The following PALD1 variants were observed in gnomAD, a reference collection of about 807,000 sequenced individuals.
PALD1 encodes paladin.
In PALD1, 57 loss-of-function variants were observed where a neutral mutation model predicts 96.0. The ratio of observed to expected loss-of-function variants is 0.59; its 90% CI spans 0.48 to 0.74. PALD1 has a LOEUF of 0.74. Among genes scored for constraint, PALD1 ranks in the 30% least tolerant of loss-of-function variants. PALD1 has a pLI of 0.00. For missense variants in PALD1, 1,063 were observed against 1,143.7 expected (o/e 0.93, Z 1.02); for synonymous variants, 464 against 473.6 (o/e 0.98, Z 0.26).
At chr10:70,491,491 A>G (rs908861219) in intron 1 of PALD1, among the ~76,000 whole-genome samples, 2 of 152,130 alleles carry the variant, frequency 1.3e-5, no homozygotes, top group African/African-American at 4.8e-5. Context: ...TTCATGGAGA[A>G]GGAACTGGAT....
intron 3 of PALD1, 129 bp downstream of exon 3, chr10:70,529,460 A>G: frequency 3.2e-6 from 2 of 625,492 alleles, no homozygotes. Context: ...CAGAACGGGC[A>G]GGGCCCTAGG....
chr10:70,547,228 G>A, intron 17 of PALD1, 78 bp from the exon 18 acceptor site: 1 of 1,375,322 alleles, frequency 7.3e-7, no homozygotes, highest in Admixed American at 1.7e-5. Context: ...TGGCCTTTTG[G>A]TGAGGGTGCA....
intron 11 of PALD1, 151 bp from the exon 12 acceptor site, chr10:70,538,129 A>C: frequency 2.4e-6 from 2 of 843,006 alleles, no homozygotes; most frequent in Non-Finnish European, 1.8e-6. Flanking sequence ...CCAGGACACC[A>C]GACGTCCAGG....
At chr10:70,519,651 C>T (rs753256260) in intron 1 of PALD1, among the ~76,000 whole-genome samples, 24 of 151,562 alleles carry the variant, frequency 1.6e-4, no homozygotes, top group African/African-American at 4.1e-4. Flanking sequence ...CTCAACTCAC[C>T]GCAACTTCTG....
chr10:70,508,995 G>A (rs746099505), intron 1 of PALD1, among the ~76,000 whole-genome samples: 21 of 152,164 alleles, frequency 1.4e-4, no homozygotes, highest in Non-Finnish European at 2.5e-4. Context: ...AGCTTCCTCT[G>A]TATTTGTTCT....
intron 1 of PALD1, among the ~76,000 whole-genome samples, chr10:70,513,502 T>G (rs1408048781): frequency 6.6e-6 from 1 of 151,732 alleles, no homozygotes; most frequent in Non-Finnish European, 1.5e-5. Context: ...ACAGTGAGAA[T>G]CCATCTCAAA....
intron 1 of PALD1, among the ~76,000 whole-genome samples, chr10:70,497,797 G>T (rs1417662961): frequency 2.0e-5 from 3 of 152,072 alleles, no homozygotes; most frequent in Non-Finnish European, 4.4e-5. Context: ...GGATGGTCTT[G>T]ATCTCCTGAC....
At chr10:70,527,114 TG>T (rs1846884361) in intron 2 of PALD1, among the ~76,000 whole-genome samples, 1 of 152,206 alleles carries the variant, frequency 6.6e-6, no homozygotes, top group Non-Finnish European at 1.5e-5. Flanking sequence ...AAGGTGGGTT[TG>T]GGGCCTGAAG....
chr10:70,557,820 G>A lies in PALD1; in HGVS notation c.2263-6544G>A, dbSNP rs143531971. 3.3e-3 allele frequency among the ~76,000 whole-genome samples: 497 copies of A among 152,202 alleles called. 6 individuals are homozygous for A. The highest frequency in any genetic ancestry group is 0.011 in the African/African-American group (474 of 41,528). On this transcript the variant is annotated intron_variant, in intron 18 of 19. Transcript: ENST00000263563. ...AGGTTTCTTTCTGTTGAGTGGGTGA[G>A]CGAGGGGATACTAAGGAGTCTTCAG...
intron 1 of PALD1, among the ~76,000 whole-genome samples, chr10:70,511,319 CT>C (rs1294047334): frequency 2.0e-5 from 3 of 152,280 alleles, no homozygotes; most frequent in African/African-American, 7.2e-5. Flanking sequence ...CTATAGTTTC[CT>C]TGGGGAACTT....
At chr10:70,523,872 GAGGTGGCTCTAGGGT>G (rs1846795405) in intron 1 of PALD1, among the ~76,000 whole-genome samples, 1 of 152,154 alleles carries the variant, frequency 6.6e-6, no homozygotes, top group Non-Finnish European at 1.5e-5. Context: ...CCCTGAATGG[GAGGTGGCTCTAGGGT>G]AGGAGCCTGA....
chr10:70,490,190 T>G (rs1846076841), intron 1 of PALD1, among the ~76,000 whole-genome samples: 1 of 152,010 alleles, frequency 6.6e-6, no homozygotes, highest in South Asian at 2.1e-4. Context: ...CCCATAATGC[T>G]GGGATTACAG....
intron 1 of PALD1, among the ~76,000 whole-genome samples, chr10:70,509,978 G>A (rs1390496356): frequency 3.9e-5 from 6 of 152,194 alleles, no homozygotes; most frequent in Admixed American, 1.3e-4. Flanking sequence ...GGGCTGTGCC[G>A]AACTCTTGGA....
intron 1 of PALD1, among the ~76,000 whole-genome samples, chr10:70,486,762 AAAAACAAAAC>A (rs548242645): frequency 9.3e-4 from 142 of 152,240 alleles, no homozygotes; most frequent in Non-Finnish European, 1.1e-3. Flanking sequence ...TTCTGTCTCA[AAAAACAAAAC>A]AAAACAAAAC....
At chr10:70,479,946 C>T (rs1005397377) in intron 1 of PALD1, among the ~76,000 whole-genome samples, 116 of 152,308 alleles carry the variant, frequency 7.6e-4, no homozygotes, top group African/African-American at 2.5e-3. Context: ...CAAAGTTCCC[C>T]GATACAGGGT....
In PALD1 at chr10:70,503,583, T is replaced by G. The variant is rs561352860; in HGVS notation, c.-29-22340T>G. 2.8e-4 allele frequency among the ~76,000 whole-genome samples: 42 copies of G among 152,158 alleles called. 1 individual carries two copies. Among genetic ancestry groups the G allele is most frequent in the Admixed American group, 3.9e-4 (6 of 15,288 alleles). On this transcript the variant is annotated intron_variant, in intron 1 of 19. Coordinates refer to ENST00000263563, the MANE Select transcript of PALD1 (RefSeq NM_014431.3). ...TGGGAGGCGGAGGCTGTGGTGAGCCTATATCACGCCACTGCACTCCAGCCT... is the reference window on the plus strand; with the variant it reads ...TGGGAGGCGGAGGCTGTGGTGAGCCGATATCACGCCACTGCACTCCAGCCT...
chr10:70,553,782 C>T (rs772895365), intron 18 of PALD1, among the ~76,000 whole-genome samples: 14 of 152,190 alleles, frequency 9.2e-5, no homozygotes, highest in African/African-American at 1.4e-4. Flanking sequence ...TTCACCTCTC[C>T]CTGCCCACCT....
the PALD1 span, among the ~76,000 whole-genome samples, chr10:70,469,792 G>GT: frequency 6.6e-6 from 1 of 150,602 alleles, no homozygotes; most frequent in Non-Finnish European, 1.5e-5. Context: ...CTTAGAGTCC[G>GT]TTTCTTTTTT....
intron 1 of PALD1, among the ~76,000 whole-genome samples, chr10:70,480,973 T>C (rs1273587695): frequency 6.6e-6 from 1 of 152,142 alleles, no homozygotes; most frequent in Non-Finnish European, 1.5e-5. Context: ...GGGACAGACA[T>C]ACATGAACCC....
Sources: gnomAD v4.1 joint callset for allele counts (sites outside exome capture counted in the v4.1 genomes callset) on GRCh38, gnomAD v4.1.1 for gene constraint, MANE v1.5 for transcripts, NCBI Gene and HGNC (gene_info 2026-07-23, HGNC 2026-07-21) for gene names.